The following NCKAP1L variants were observed in gnomAD, a reference collection of about 807,000 sequenced individuals.
The protein encoded by NCKAP1L is nck-associated protein 1-like.
In NCKAP1L, 53 loss-of-function variants were observed where a neutral mutation model predicts 139.2. The observed-to-expected ratio is 0.38, with a 90% confidence interval of 0.31 to 0.48. The LOEUF is 0.48. Among genes scored for constraint, NCKAP1L ranks in the 20% least tolerant of loss-of-function variants. The pLI is 0.98. For synonymous variants in NCKAP1L, 468 were observed against 499.7 expected, an observed-to-expected ratio of 0.94 and a Z score of 0.85; for missense variants, 1,151 against 1,381.9, an observed-to-expected ratio of 0.83 and a Z score of 2.65.
At position 54,509,929 on chromosome 12, in the gene NCKAP1L, C is replaced by A; in HGVS notation, c.679C>A (p.Leu227Ile). Reference sequence around the variant, plus strand: ...GGCTGAGCAGTGGCGCAGTGCCCAACTTCTAAGCCTCATCAGCAACCCCCC... The same window carrying A: ...GGCTGAGCAGTGGCGCAGTGCCCAAATTCTAAGCCTCATCAGCAACCCCCC... Reference protein sequence around the residue: ...QGAEQWRSAQLLSLISNPPAM... With the variant: ...QGAEQWRSAQILSLISNPPAM... Residue 227 changes from leucine to isoleucine, a missense_variant, in exon 7 of 31, where the codon CTT (leucine) becomes ATT (isoleucine). Transcript: ENST00000293373. 5 of 1,614,240 alleles carry A rather than the reference C, an allele frequency of 3.1e-6. No homozygotes were observed. Among genetic ancestry groups the A allele is most frequent in the Non-Finnish European group, 4.2e-6 (5 of 1,180,038 alleles).
rs1956892096 is a variant in NCKAP1L at position 54,511,865 on chromosome 12, G to C, written c.784+14G>C. ...GCTGGATTATCAGTAAGTTTAGTGG[G>C]ATTAGATGGGAGTGGATGAAGCAGT... On this transcript the variant is annotated intron_variant, in intron 8 of 30. Transcript: ENST00000293373. 3 of 1,614,036 alleles carry C rather than the reference G, an allele frequency of 1.9e-6. No individual in the cohort carries two copies. In the South Asian group the frequency reaches 3.3e-5, roughly 18 times the overall value.
chr12:54,519,445 T>TTG (rs1956963858), intron 16 of NCKAP1L, 113 bp downstream of exon 16: 2 of 957,464 alleles, frequency 2.1e-6, no homozygotes, highest in South Asian at 3.2e-5. Context: ...TTTTTTTTTT[T>TTG]TTTTTAAAGA....
intron 27 of NCKAP1L, among the ~76,000 whole-genome samples, chr12:54,535,399 C>G (rs1158084619): frequency 6.6e-6 from 1 of 152,186 alleles, no homozygotes; most frequent in Non-Finnish European, 1.5e-5. Context: ...ACTAGTTGAT[C>G]TACATCCTCA....
rs1416731862 is a variant in NCKAP1L at position 54,526,592 on chromosome 12, T to C, written c.2221T>C (p.Leu741=). ...TQEIVRPSEL[L]AGVKAYIGFI... is the part of the protein sequence containing the mutation. ...GGAGATCGTACGGCCTTCTGAGCTGTTGGCAGGAGTCAAAGCATACATTGG... is the reference window on the plus strand; with the variant it reads ...GGAGATCGTACGGCCTTCTGAGCTGCTGGCAGGAGTCAAAGCATACATTGG... The change falls in exon 21 of 31, where the codon TTG becomes CTG. Residue 741 remains leucine (L), a synonymous_variant. Transcript: ENST00000293373. 14 of 1,614,054 alleles carry C rather than the reference T, an allele frequency of 8.7e-6. No individual in the cohort carries two copies. In the African/African-American group the frequency reaches 9.3e-5, roughly 11 times the overall value.
chr12:54,539,590 C>CT (rs1341872565), intron 30 of NCKAP1L, among the ~76,000 whole-genome samples: 6 of 152,150 alleles, frequency 3.9e-5, no homozygotes, highest in African/African-American at 1.2e-4. Context: ...TTCCTCATGG[C>CT]CCTGTTTCCC....
chr12:54,518,198 C>T (rs781639721), intron 13 of NCKAP1L, among the ~76,000 whole-genome samples: 14 of 151,952 alleles, frequency 9.2e-5, no homozygotes, highest in Non-Finnish European at 1.9e-4. Context: ...AAAAATTAGC[C>T]GGGCATGGTG....
In NCKAP1L at chr12:54,521,218, C is replaced by T; in HGVS notation, c.1858C>T (p.Gln620Ter). ...SNCVLEICAE[Q>*]RNLSEQLLPK... The stretch of plus-strand genomic sequence containing the variant: ...TTGCGTCCTGGAGATCTGTGCTGAG[C>T]AGCGAAACCTGAGCGAGCAGGTAGA... The change falls in exon 18 of 31, where the codon CAG becomes TAG. Residue 620 changes from glutamine to a stop codon, truncating the protein, a stop_gained. Coordinates refer to ENST00000293373, the MANE Select transcript of NCKAP1L (RefSeq NM_005337.5). LOFTEE classifies it high-confidence loss of function. 1 of 1,614,036 alleles carries T rather than the reference C, an allele frequency of 6.2e-7. No individual in the cohort carries two copies. Among genetic ancestry groups the T allele is most frequent in the Non-Finnish European group, 8.5e-7 (1 of 1,179,986 alleles).
rs1288732347 is a variant in NCKAP1L at position 54,545,762 on chromosome 12, T to C, written c.*3077T>C. ...GTTCTAGCCTCAGCATTTTCATTAATGTAGTGTTTTTATTAACATCTCCAT... is the reference window on the plus strand; with the variant it reads ...GTTCTAGCCTCAGCATTTTCATTAACGTAGTGTTTTTATTAACATCTCCAT... On this transcript the variant is annotated 3_prime_UTR_variant, in exon 31 of 31. Coordinates refer to ENST00000293373, the MANE Select transcript of NCKAP1L (RefSeq NM_005337.5). 1.3e-5 allele frequency: 2 copies of C among 152,276 alleles called. No homozygotes were observed. Among genetic ancestry groups the C allele is most frequent in the Non-Finnish European group, 2.9e-5 (2 of 68,044 alleles). 9.4% of individuals were successfully genotyped at this position (152,276 alleles called of 1,614,324 possible).
chr12:54,517,753 T>C (rs1956945658), intron 12 of NCKAP1L, 53 bp from the exon 13 acceptor site: 1 of 1,608,416 alleles, frequency 6.2e-7, no homozygotes, highest in Non-Finnish European at 8.5e-7. Context: ...TGTGTTTGTC[T>C]CAGTTCATAT....
At chr12:54,521,908 G>GTT (rs1272291727) in intron 18 of NCKAP1L, among the ~76,000 whole-genome samples, 1 of 151,914 alleles carries the variant, frequency 6.6e-6, no homozygotes, top group African/African-American at 2.4e-5. Flanking sequence ...GTGTGTGTGT[G>GTT]TGTGTGTATA....
chr12:54,499,295 A>C, intron 1 of NCKAP1L, 60 bp from the exon 2 acceptor site: 1 of 929,042 alleles, frequency 1.1e-6, no homozygotes, highest in Non-Finnish European at 1.8e-6. Context: ...TGTTGCAAGA[A>C]GAGGTATGTT....
Position 54,544,788 on chromosome 12 carries a change from C to G in NCKAP1L, c.*2103C>G, listed in dbSNP as rs965780999. ...CCAAGGCAGGTGGATCACCTGAGGT[C>G]AGGGGTTTGAGAGCAGCCTGGCCAA... On this transcript the variant is annotated 3_prime_UTR_variant, in exon 31 of 31. Transcript: ENST00000293373. The G allele has an allele frequency of 6.6e-6, 1 of 152,408 alleles. No individual in the cohort carries two copies. The allele number at this position is 152,408 out of a possible 1,614,324, so 9.4% of individuals were successfully genotyped here.
chr12:54,542,281 A>G (rs1957163980), intron 30 of NCKAP1L, among the ~76,000 whole-genome samples: 1 of 152,158 alleles, frequency 6.6e-6, no homozygotes, highest in Admixed American at 6.5e-5. Flanking sequence ...TAGCATCCAG[A>G]ATGGGAGAGA....
rs752381575 is a variant in NCKAP1L at position 54,520,743 on chromosome 12, T to C, written c.1675T>C (p.Ser559Pro). 3.1e-6 allele frequency: 5 copies of C among 1,614,180 alleles called. No homozygotes were observed. Among genetic ancestry groups the C allele is most frequent in the Non-Finnish European group, 4.2e-6 (5 of 1,180,016 alleles). The change falls in exon 17 of 31, where the codon TCT (serine) becomes CCT (proline). Residue 559 changes from serine to proline, a missense_variant. Transcript: ENST00000293373. ...GATGTTTGCCATGACCTTGGAGGAA[T>C]CTGCCATGTTGCGTTATGCCATTGC... Reference protein sequence around the residue: ...EKMFAMTLEESAMLRYAIAFP... With the variant: ...EKMFAMTLEEPAMLRYAIAFP...
chr12:54,519,467 C>T (rs1018975659), intron 16 of NCKAP1L, 135 bp downstream of exon 16: 9 of 649,988 alleles, frequency 1.4e-5, no homozygotes, highest in Admixed American at 4.7e-5. Flanking sequence ...ACAGATCTCA[C>T]TATGTTGCCC....
chr12:54,540,650 T>C (rs1323823093), intron 30 of NCKAP1L, among the ~76,000 whole-genome samples: 1 of 152,276 alleles, frequency 6.6e-6, no homozygotes, highest in Admixed American at 6.5e-5. Context: ...TAGTTCCTGC[T>C]GTCTGCAGCT....
At position 54,542,887 on chromosome 12, in the gene NCKAP1L, TGGA is replaced by T. The variant is rs1417378352; in HGVS notation, c.*206_*208del. 3 of 502,048 alleles carry T rather than the reference TGGA, an allele frequency of 6.0e-6. No individual in the cohort carries two copies. Among genetic ancestry groups the T allele is most frequent in the Non-Finnish European group, 1.1e-5 (3 of 281,388 alleles). 31.1% of individuals were successfully genotyped at this position (502,048 alleles called of 1,614,324 possible). ...AGAGCAGTGAGGCAGGCTGGGAGCA[TGGA>T]GGACAGCTTATGGAAAAAGTTAGGG... On this transcript the variant is annotated 3_prime_UTR_variant, in exon 31 of 31. Coordinates refer to ENST00000293373, the MANE Select transcript of NCKAP1L (RefSeq NM_005337.5).
rs1957184542 is a variant in NCKAP1L, at chr12:54,544,530, TGTA to T, written c.*1849_*1851del. On this transcript the variant is annotated 3_prime_UTR_variant, in exon 31 of 31. Coordinates refer to ENST00000293373, the MANE Select transcript of NCKAP1L (RefSeq NM_005337.5). ...CCTGAATGCTAACATCTAGCAAAAC[TGTA>T]GTACACTGCCACAACCAGGATAACT... 6.6e-6 allele frequency: 1 copy of T among 152,202 alleles called. No homozygotes were observed. Among genetic ancestry groups the T allele is most frequent in the Admixed American group, 6.5e-5 (1 of 15,284 alleles). 9.4% of individuals were successfully genotyped at this position (152,202 alleles called of 1,614,324 possible).
Position 54,516,933 on chromosome 12 carries a change from A to G in NCKAP1L, c.1036A>G (p.Met346Val), listed in dbSNP as rs768511940. 11 of 1,612,706 alleles carry G rather than the reference A, an allele frequency of 6.8e-6. No homozygotes were observed. Among genetic ancestry groups the G allele is most frequent in the African/African-American group, 4.0e-5 (3 of 74,844 alleles). Reference sequence around the variant, plus strand: ...TTGTCAACGGCGGCAATTTCTGCGGATGGCAGTGAAGGAGCTGGAGACTGT... The same window carrying G: ...TTGTCAACGGCGGCAATTTCTGCGGGTGGCAGTGAAGGAGCTGGAGACTGT... ...FHCQRRQFLR[M>V]AVKELETVLA... Residue 346 changes from methionine to valine, a missense_variant, in exon 11 of 31, where the codon ATG becomes GTG. Coordinates refer to ENST00000293373, the MANE Select transcript of NCKAP1L (RefSeq NM_005337.5).
Sources: allele counts gnomAD v4.1 joint callset (sites outside exome capture counted in the v4.1 genomes callset), GRCh38; gene constraint gnomAD v4.1.1; transcripts MANE v1.5; gene names NCBI Gene and HGNC (gene_info 2026-07-23, HGNC 2026-07-21).